Variants in BCKDHB observed in about 807,000 individuals in gnomAD.
BCKDHB encodes branched chain keto acid dehydrogenase E1 subunit beta, also known as 2-oxoisovalerate dehydrogenase subunit beta, mitochondrial.
A neutral mutation model predicts 48.5 loss-of-function variants in BCKDHB; 41 were observed. The observed-to-expected ratio is 0.85, with a 90% CI of 0.66 to 1.10. The LOEUF is 1.10. Among genes scored for constraint, BCKDHB ranks in the 50% least tolerant of loss-of-function variants. BCKDHB has a pLI of 0.00. For missense variants in BCKDHB, 496 were observed against 494.2 expected, an observed-to-expected ratio of 1.00 and a Z score of -0.03; for synonymous variants, 201 against 174.8, an observed-to-expected ratio of 1.15 and a Z score of -1.18.
chr6:80,254,474 T>C (rs1394608034), intron 8 of BCKDHB, among the ~76,000 whole-genome samples: 1 of 152,002 alleles, frequency 6.6e-6, no homozygotes, highest in Non-Finnish European at 1.5e-5. Context: ...AGCAGGAGGA[T>C]TGCTTGAGCC....
intron 9 of BCKDHB, among the ~76,000 whole-genome samples, chr6:80,295,065 T>C (rs1273702832): frequency 3.3e-5 from 5 of 152,324 alleles, no homozygotes; most frequent in Admixed American, 6.5e-5. Flanking sequence ...CCTACCGATA[T>C]GTGATGTCAC....
intron 7 of BCKDHB, 66 bp from the exon 8 acceptor site, chr6:80,203,036 A>G (rs1774469620): frequency 9.8e-7 from 1 of 1,024,754 alleles, no homozygotes; most frequent in East Asian, 2.4e-5. Context: ...TGACATCAGC[A>G]TTCAACTAGT....
At chr6:80,292,490 T>C (rs9448919) in intron 9 of BCKDHB, among the ~76,000 whole-genome samples, 121,297 of 151,920 alleles carry the variant, frequency 0.8, 48,598 homozygotes, top group Admixed American at 0.87. Flanking sequence ...GGAAGACCCA[T>C]CCCCATGATT....
chr6:80,251,161 A>G (rs1478577565), intron 8 of BCKDHB, among the ~76,000 whole-genome samples: 4 of 152,052 alleles, frequency 2.6e-5, no homozygotes, highest in Admixed American at 6.6e-5. Context: ...TGGGAATTCT[A>G]TTTTGTTTTG....
At chr6:80,270,389 T>C (rs1777686475) in intron 8 of BCKDHB, among the ~76,000 whole-genome samples, 1 of 152,156 alleles carries the variant, frequency 6.6e-6, no homozygotes, top group Admixed American at 6.6e-5. Context: ...GCTCAGAGCC[T>C]AGCACATAGC....
intron 9 of BCKDHB, among the ~76,000 whole-genome samples, chr6:80,274,006 T>G (rs1777863956): frequency 6.6e-6 from 1 of 152,072 alleles, no homozygotes; most frequent in Non-Finnish European, 1.5e-5. Context: ...GCAAACACTT[T>G]ACTTCTCTTT....
At chr6:80,275,892 C>A (rs1396294846) in intron 9 of BCKDHB, among the ~76,000 whole-genome samples, 4 of 151,900 alleles carry the variant, frequency 2.6e-5, no homozygotes, top group Non-Finnish European at 5.9e-5. Context: ...GTTTGAGGTA[C>A]AACTGCTTTC....
chr6:80,466,250 C>G, the BCKDHB span, among the ~76,000 whole-genome samples: 1 of 152,066 alleles, frequency 6.6e-6, no homozygotes, highest in Non-Finnish European at 1.5e-5. Flanking sequence ...CTATATTATA[C>G]TTACACATAT....
At chr6:80,107,037 T>C in intron 1 of BCKDHB, 148 bp downstream of exon 1, 2 of 1,051,450 alleles carry the variant, frequency 1.9e-6, no homozygotes, top group Non-Finnish European at 2.9e-6. Context: ...TGCCTCAGGG[T>C]CTAACTGTGG....
At chr6:80,215,854 G>A (rs1044804900) in intron 8 of BCKDHB, among the ~76,000 whole-genome samples, 5 of 152,150 alleles carry the variant, frequency 3.3e-5, no homozygotes, top group African/African-American at 1.2e-4. Flanking sequence ...CCATTCTCCT[G>A]CCTCAGCCTC....
intron 1 of BCKDHB, among the ~76,000 whole-genome samples, chr6:80,124,679 T>G (rs911550549): frequency 3.9e-5 from 6 of 152,192 alleles, no homozygotes; most frequent in Non-Finnish European, 8.8e-5. Context: ...AAAACAACGT[T>G]AATCTTATAC....
chr6:80,230,239 C>T (rs1476033366), intron 8 of BCKDHB, among the ~76,000 whole-genome samples: 8 of 151,088 alleles, frequency 5.3e-5, no homozygotes, highest in African/African-American at 7.3e-5. Context: ...GGGGTTTCAC[C>T]GTGTTAGCCA....
intron 9 of BCKDHB, among the ~76,000 whole-genome samples, chr6:80,332,149 C>CATAAT: frequency 6.6e-6 from 1 of 152,206 alleles, no homozygotes. Context: ...CTTGATGGCG[C>CATAAT]TTATGTGTGT....
chr6:80,233,176 T>A (rs965497519), intron 8 of BCKDHB, among the ~76,000 whole-genome samples: 10 of 152,114 alleles, frequency 6.6e-5, no homozygotes. Flanking sequence ...TTTTTGTCCT[T>A]ATCTCATTAA....
the BCKDHB span, among the ~76,000 whole-genome samples, chr6:80,357,103 CAT>C: frequency 5.3e-5 from 8 of 152,020 alleles, no homozygotes; most frequent in Admixed American, 5.2e-4. Context: ...AAAAAGATGT[CAT>C]ATTCAAAGGT....
intron 9 of BCKDHB, among the ~76,000 whole-genome samples, chr6:80,288,967 T>G (rs1194866867): frequency 6.6e-6 from 1 of 151,990 alleles, no homozygotes; most frequent in Non-Finnish European, 1.5e-5. Context: ...AGCATTTTGT[T>G]TAAGGGGACA....
At chr6:80,220,534 T>C (rs1316118837) in intron 8 of BCKDHB, among the ~76,000 whole-genome samples, 1 of 151,362 alleles carries the variant, frequency 6.6e-6, no homozygotes, top group Non-Finnish European at 1.5e-5. Context: ...TGGAAAAAGT[T>C]GCATAGATCT....
At chr6:80,200,337 ACT>A (rs1378760723) in intron 6 of BCKDHB, among the ~76,000 whole-genome samples, 1 of 152,024 alleles carries the variant, frequency 6.6e-6, no homozygotes, top group African/African-American at 2.4e-5. Context: ...GTTGTCAGTG[ACT>A]CTGATTGATG....
chr6:80,149,712 G>A (rs1473008192), intron 3 of BCKDHB, among the ~76,000 whole-genome samples: 2 of 150,558 alleles, frequency 1.3e-5, no homozygotes, highest in Non-Finnish European at 2.9e-5. Context: ...ATCATTCTCA[G>A]TAAACTATCA....
Sources: allele counts gnomAD v4.1 joint callset (sites outside exome capture counted in the v4.1 genomes callset), GRCh38; gene constraint gnomAD v4.1.1; transcripts MANE v1.5; gene names NCBI Gene and HGNC (gene_info 2026-07-23, HGNC 2026-07-21).